Variants in PCDH15 observed in about 807,000 individuals in gnomAD.
The protein encoded by PCDH15 is protocadherin related 15.
Under a neutral mutation model 178.5 loss-of-function variants are expected in PCDH15, and 129 were observed. The observed-to-expected ratio is 0.72, with a 90% CI of 0.63 to 0.84. PCDH15 has a LOEUF of 0.84. Ranked by LOEUF, PCDH15 falls within the 40% of genes least tolerant of loss-of-function variation. The pLI, the probability that PCDH15 is intolerant of heterozygous loss-of-function variation, is 0.00. For synonymous variants in PCDH15, 800 were observed against 732.0 expected (o/e 1.09, Z -1.50); for missense variants, 2,230 against 2,099.9 (o/e 1.06, Z -1.21).
chr10:55,385,745 A>G (rs1328206844), intron 2 of PCDH15, among the ~76,000 whole-genome samples: 2 of 144,564 alleles, frequency 1.4e-5, no homozygotes, highest in African/African-American at 5.3e-5. Context: ...GTATATAGAT[A>G]TGCATATATA....
intron 17 of PCDH15, among the ~76,000 whole-genome samples, chr10:54,075,444 A>G (rs2094324824): frequency 6.6e-6 from 1 of 151,974 alleles, no homozygotes; most frequent in Non-Finnish European, 1.5e-5. Context: ...ATTTGCAAAT[A>G]TTTTCTCCCA....
intron 1 of PCDH15, among the ~76,000 whole-genome samples, chr10:54,787,280 A>AC (rs1555196187): frequency 1.8e-4 from 28 of 151,740 alleles, no homozygotes; most frequent in Non-Finnish European, 2.9e-4. Context: ...GGAAAAAAAA[A>AC]CAATTTTTAC....
chr10:54,672,736 T>TA (rs201391020), intron 1 of PCDH15, among the ~76,000 whole-genome samples: 2 of 151,870 alleles, frequency 1.3e-5, no homozygotes, highest in African/African-American at 4.8e-5. Context: ...AATGAGATTT[T>TA]ATTTTATATA....
intron 1 of PCDH15, among the ~76,000 whole-genome samples, chr10:55,253,317 A>G (rs369610744): frequency 1.4e-4 from 22 of 152,110 alleles, no homozygotes; most frequent in African/African-American, 5.1e-4. Context: ...TATTTAGTAG[A>G]AAAACATATT....
intron 1 of PCDH15, among the ~76,000 whole-genome samples, chr10:55,252,706 G>C (rs1841870649): frequency 6.6e-6 from 1 of 151,954 alleles, no homozygotes. Flanking sequence ...CCTAGAGCAA[G>C]TTAGCTTTAA....
rs2076114613 is a variant in PCDH15 at position 54,445,895 on chromosome 10, C to A, written c.158-66953G>T. On this transcript the variant is annotated intron_variant, in intron 3 of 37. Transcript: ENST00000644397. ...CTTAATTCATATCTCTTTTCCATACCTATCTTCATTAGCAGGTTGCATTTC... is the reference window on the plus strand; with the variant it reads ...CTTAATTCATATCTCTTTTCCATACATATCTTCATTAGCAGGTTGCATTTC... Among the ~76,000 whole-genome samples, 6 of 151,576 alleles carry A rather than the reference C, an allele frequency of 4.0e-5. No individual in the cohort carries two copies. In the South Asian group the frequency reaches 1.2e-3, roughly 31 times the overall value.
intron 2 of PCDH15, among the ~76,000 whole-genome samples, chr10:55,577,097 C>A (rs577519240): frequency 2.0e-5 from 3 of 152,170 alleles, no homozygotes; most frequent in South Asian, 4.1e-4. Flanking sequence ...CAAAAATTAG[C>A]TGGGCCTGGT....
chr10:54,731,817 G>T lies in PCDH15; in HGVS notation c.-28-67527C>A, dbSNP rs754499539. On this transcript the variant is annotated intron_variant, in intron 1 of 37. Coordinates refer to ENST00000644397, the MANE Select transcript of PCDH15 (RefSeq NM_001384140.1). Reference sequence around the variant, plus strand: ...CAGGAAAGGTAGATGGGAAGGGAGGGTGAAGAGAGTTTGAATAATAGGCAC... The same window carrying T: ...CAGGAAAGGTAGATGGGAAGGGAGGTTGAAGAGAGTTTGAATAATAGGCAC... Among the ~76,000 whole-genome samples, 123 of 150,584 alleles carry T rather than the reference G, an allele frequency of 8.2e-4. 2 individuals are homozygous for T. In the Middle Eastern group the frequency reaches 0.017, roughly 21 times the overall value.
rs35099531 is a variant in PCDH15 at position 54,769,321 on chromosome 10, C to CTT, written c.-29+31602_-29+31603dup. ...TGCTTGACAGCAGAGTACGCAATGC[C>CTT]TTTTTTTTTTTTTTTAAATCTCCCA... is the stretch of plus-strand genomic sequence containing the variant. On this transcript the variant is annotated intron_variant, in intron 1 of 37. Transcript: ENST00000644397. 2.4e-3 allele frequency among the ~76,000 whole-genome samples: 341 copies of CTT among 144,142 alleles called. 2 individuals carry two copies. Among genetic ancestry groups the CTT allele is most frequent in the African/African-American group, 4.2e-3 (164 of 39,286 alleles). The allele number at this position is 144,142 out of a possible 152,430, so 94.6% of individuals were successfully genotyped here. A position where few individuals can be genotyped will look rare whatever the true frequency, so the allele number is the denominator to read the frequency against.
intron 2 of PCDH15, among the ~76,000 whole-genome samples, chr10:55,378,877 A>ATC (rs67020951): frequency 0.047 from 5,838 of 124,106 alleles, 235 homozygotes; most frequent in African/African-American, 0.11. Flanking sequence ...AACTCTCCCC[A>ATC]TCTCTCTCTC....
At position 55,437,835 on chromosome 10, in the gene PCDH15, T is replaced by TG. The variant is rs1399269279; in HGVS notation, c.-156+189789_-156+189790insC. 1.9e-3 allele frequency among the ~76,000 whole-genome samples: 279 copies of TG among 144,510 alleles called. 3 individuals carry two copies. Among genetic ancestry groups the TG allele is most frequent in the African/African-American group, 6.9e-3 (262 of 38,186 alleles). The allele number at this position is 144,510 out of a possible 152,430, so 94.8% of individuals were successfully genotyped here. ...AATTGTCTTTCTTATTGCTTTTCTT[T>TG]TTTTTTTTTTTTTTTTTTTCAGACG... On this transcript the variant is annotated intron_variant, in intron 2 of 5. Coordinates refer to the PCDH15 transcript ENST00000613346.
At chr10:55,135,115 G>A (rs1838153319) in intron 2 of PCDH15, among the ~76,000 whole-genome samples, 2 of 152,012 alleles carry the variant, frequency 1.3e-5, no homozygotes, top group South Asian at 2.1e-4. Context: ...CAACCATTGA[G>A]TTTCTTTTTT....
At chr10:55,281,847 G>T (rs896013689) in intron 1 of PCDH15, among the ~76,000 whole-genome samples, 5 of 152,022 alleles carry the variant, frequency 3.3e-5, no homozygotes, top group African/African-American at 1.2e-4. Flanking sequence ...CCTGTAATAT[G>T]ATATTTATTC....
intron 20 of PCDH15, among the ~76,000 whole-genome samples, chr10:54,002,036 A>AAT (rs762826959): frequency 0.015 from 2,144 of 144,212 alleles, 60 homozygotes; most frequent in African/African-American, 0.053. Flanking sequence ...AACAATTGTA[A>AAT]ATATATATAC....
intron 1 of PCDH15, among the ~76,000 whole-genome samples, chr10:54,790,666 A>T (rs34303334): frequency 0.072 from 10,935 of 151,966 alleles, 490 homozygotes; most frequent in Non-Finnish European, 0.1. Context: ...ACACAGAGAT[A>T]CATGAAAAAT....
intron 16 of PCDH15, among the ~76,000 whole-genome samples, chr10:54,087,243 C>G (rs2094529426): frequency 6.6e-6 from 1 of 152,108 alleles, no homozygotes; most frequent in African/African-American, 2.4e-5. Flanking sequence ...GTTGTTCAAT[C>G]ATCACTGTAA....
At chr10:54,035,862 T>A (rs575625217) in intron 18 of PCDH15, among the ~76,000 whole-genome samples, 3 of 152,090 alleles carry the variant, frequency 2.0e-5, no homozygotes, top group Non-Finnish European at 4.4e-5. Context: ...AGATATTTCA[T>A]AAATTAAAAG....
At chr10:55,392,773 A>G (rs558811171) in intron 2 of PCDH15, among the ~76,000 whole-genome samples, 30 of 152,302 alleles carry the variant, frequency 2.0e-4, no homozygotes, top group African/African-American at 5.1e-4. Flanking sequence ...ACTGTTTCAT[A>G]GTAAAATTTG....
At chr10:55,438,755 G>T (rs1839107318) in intron 2 of PCDH15, among the ~76,000 whole-genome samples, 1 of 151,160 alleles carries the variant, frequency 6.6e-6, no homozygotes, top group Admixed American at 6.6e-5. Context: ...ATTGAAGACT[G>T]GAAATAGAAC....
Sources: allele counts gnomAD v4.1 joint callset (sites outside exome capture counted in the v4.1 genomes callset), GRCh38; gene constraint gnomAD v4.1.1; transcripts MANE v1.5; gene names NCBI Gene and HGNC (gene_info 2026-07-23, HGNC 2026-07-21).